Variants in PCLO observed in about 807,000 individuals in gnomAD.
The protein encoded by PCLO is protein piccolo.
In PCLO, 82 loss-of-function variants were observed where a neutral mutation model predicts 427.5. That is an observed-to-expected ratio of 0.19 (90% CI 0.16 to 0.23). The LOEUF is 0.23. Among genes scored for constraint, PCLO ranks in the 10% least tolerant of loss-of-function variants. PCLO has a pLI of 1.00. For synonymous variants in PCLO, 2,357 were observed against 2,155.4 expected (o/e 1.09, Z -2.59); for missense variants, 6,239 against 6,115.9 (o/e 1.02, Z -0.67).
chr7:82,868,941 T>C (rs1169969635), intron 10 of PCLO, among the ~76,000 whole-genome samples: 1 of 152,158 alleles, frequency 6.6e-6, no homozygotes, highest in Non-Finnish European at 1.5e-5. Context: ...TTTAGGTTCA[T>C]TGGATATATG....
rs942983300 is a variant in PCLO at position 82,754,088 on chromosome 7, C to T, written c.*4487G>A. 4.6e-5 allele frequency: 7 copies of T among 152,120 alleles called. No individual in the cohort carries two copies. Among genetic ancestry groups the T allele is most frequent in the Admixed American group, 2.6e-4 (4 of 15,256 alleles). 9.4% of individuals were successfully genotyped at this position (152,120 alleles called of 1,614,324 possible). A position where few individuals can be genotyped will look rare whatever the true frequency, so the allele number is the denominator to read the frequency against. On this transcript the variant is annotated 3_prime_UTR_variant, in exon 25 of 25. Transcript: ENST00000333891. Reference sequence around the variant, plus strand: ...ACAGTTTACATAAGTTATCAAGATACATCTTGTATACAATCACAAAACCAA... The same window carrying T: ...ACAGTTTACATAAGTTATCAAGATATATCTTGTATACAATCACAAAACCAA...
chr7:82,787,058 T>A (rs993958253), intron 22 of PCLO, among the ~76,000 whole-genome samples: 4 of 152,146 alleles, frequency 2.6e-5, no homozygotes, highest in Admixed American at 1.3e-4. Flanking sequence ...CGTGTGCATG[T>A]GTCTTTATAG....
chr7:82,975,830 G>A (rs1796004323), intron 3 of PCLO, among the ~76,000 whole-genome samples: 1 of 152,056 alleles, frequency 6.6e-6, no homozygotes, highest in Non-Finnish European at 1.5e-5. Context: ...AGACCTGATG[G>A]TTTAAAAGTG....
chr7:82,970,320 G>A (rs149205309), intron 3 of PCLO, among the ~76,000 whole-genome samples: 2 of 151,966 alleles, frequency 1.3e-5, no homozygotes, highest in Non-Finnish European at 1.5e-5. Flanking sequence ...GTAATCCAGT[G>A]AAGGTTTCTG....
At chr7:83,099,391 GTT>G (rs11363474) in intron 3 of PCLO, among the ~76,000 whole-genome samples, 16 of 143,824 alleles carry the variant, frequency 1.1e-4, no homozygotes, top group Middle Eastern at 3.6e-3. Flanking sequence ...AGATTTTTTT[GTT>G]TTTTTTTTTT....
chr7:83,142,430 C>T (rs1791884317), intron 2 of PCLO, among the ~76,000 whole-genome samples: 1 of 152,134 alleles, frequency 6.6e-6, no homozygotes, highest in East Asian at 1.9e-4. Flanking sequence ...GTAAGAGATT[C>T]CCAGTCAACT....
intron 16 of PCLO, among the ~76,000 whole-genome samples, chr7:82,834,957 T>G (rs572694773): frequency 1.6e-5 from 1 of 61,088 alleles, no homozygotes; most frequent in African/African-American, 4.1e-5. Flanking sequence ...TTTTTTTTTG[T>G]TTGTTTGTTT....
At chr7:83,030,078 A>T (rs193984) in intron 3 of PCLO, among the ~76,000 whole-genome samples, 1 of 146,254 alleles carries the variant, frequency 6.8e-6, no homozygotes, top group African/African-American at 2.5e-5. Context: ...AATCCGCACA[A>T]TGTGCACATG....
chr7:82,829,948 A>C (rs539532886), intron 16 of PCLO, among the ~76,000 whole-genome samples: 39 of 152,066 alleles, frequency 2.6e-4, no homozygotes, highest in Non-Finnish European at 5.0e-4. Flanking sequence ...TCTTGAAAAA[A>C]GTTTTGATCA....
intron 3 of PCLO, among the ~76,000 whole-genome samples, chr7:82,968,697 T>G (rs966947678): frequency 6.6e-6 from 1 of 152,008 alleles, no homozygotes; most frequent in African/African-American, 2.4e-5. Flanking sequence ...TTTTTGCATT[T>G]TTAGTAGAGA....
At chr7:82,974,164 A>C (rs1470399733) in intron 3 of PCLO, among the ~76,000 whole-genome samples, 2 of 152,092 alleles carry the variant, frequency 1.3e-5, no homozygotes, top group Non-Finnish European at 2.9e-5. Context: ...AGGTGGGTAG[A>C]TCTCTTGAGG....
At chr7:83,158,899 T>C (rs1252002738) in intron 1 of PCLO, among the ~76,000 whole-genome samples, 1 of 151,968 alleles carries the variant, frequency 6.6e-6, no homozygotes, top group Admixed American at 6.6e-5. Context: ...GAGAAAAAAC[T>C]GCCAATACCA....
In PCLO at chr7:83,155,431, G is replaced by T. The variant is rs1319783283; in HGVS notation, c.1210C>A (p.Gln404Lys). The T allele has an allele frequency of 6.2e-7, 1 of 1,613,964 alleles. No homozygotes were observed. The highest frequency in any genetic ancestry group is 8.5e-7 in the Non-Finnish European group (1 of 1,179,884). Residue 404 changes from glutamine to lysine, a missense_variant, in exon 2 of 25, where the codon CAG (glutamine) becomes AAG (lysine). Physicochemically the swap from Gln to Lys is moderately conservative, Grantham distance 53 (BLOSUM62 1). Coordinates refer to ENST00000333891, the MANE Select transcript of PCLO (RefSeq NM_033026.6). Reference protein sequence around the residue: ...PPGVGKTPAQQPGPAKPPTQQ... With the variant: ...PPGVGKTPAQKPGPAKPPTQQ... ...GTTGGAGGCTTTGCTGGCCCTGGCT[G>T]TTGAGCTGGAGTCTTTCCAACTCCA...
chr7:83,068,628 T>C (rs534448814), intron 3 of PCLO, among the ~76,000 whole-genome samples: 2 of 152,236 alleles, frequency 1.3e-5, no homozygotes, highest in South Asian at 4.1e-4. Flanking sequence ...AGACAAGACA[T>C]ATGTTTTGGT....
chr7:83,010,214 T>G (rs1788045340), intron 3 of PCLO, among the ~76,000 whole-genome samples: 1 of 152,006 alleles, frequency 6.6e-6, no homozygotes, highest in African/African-American at 2.4e-5. Flanking sequence ...CAGCACATCC[T>G]TCTCAATGTC....
At chr7:83,058,576 C>G (rs987541032) in intron 3 of PCLO, among the ~76,000 whole-genome samples, 1 of 152,024 alleles carries the variant, frequency 6.6e-6, no homozygotes. Flanking sequence ...ATAATAATTG[C>G]TAATATTTAT....
At chr7:83,131,962 T>C (rs1791585719) in intron 3 of PCLO, among the ~76,000 whole-genome samples, 1 of 152,192 alleles carries the variant, frequency 6.6e-6, no homozygotes. Context: ...TATATATGTA[T>C]ATGTGTACAA....
intron 3 of PCLO, among the ~76,000 whole-genome samples, chr7:83,011,392 A>C (rs1788073194): frequency 6.6e-6 from 1 of 152,060 alleles, no homozygotes; most frequent in Non-Finnish European, 1.5e-5. Flanking sequence ...GATTAATCTG[A>C]TACTTGTTGC....
rs1794473875 is a variant in PCLO, at chr7:82,916,663, T to C, written c.11323A>G (p.Arg3775Gly). 1.2e-6 allele frequency: 2 copies of C among 1,613,570 alleles called. No homozygotes were observed. Among genetic ancestry groups the C allele is most frequent in the Admixed American group, 1.7e-5 (1 of 59,922 alleles). Residue 3775 changes from arginine to glycine, a missense_variant, in exon 7 of 25, where the codon AGG becomes GGG. This residue lies in a region of PCLO where 4,677 missense variants were observed against 4,468.4 expected (regional missense o/e 1.05). Transcript: ENST00000333891. Reference protein sequence around the residue: ...DIDRELDLVERESAKLRKKQA... With the variant: ...DIDRELDLVEGESAKLRKKQA... Reference sequence around the variant, plus strand: ...TTCTTTCGAAGTTTTGCAGACTCCCTTTCCACAAGATCAAGCTCTCTGTCT... The same window carrying C: ...TTCTTTCGAAGTTTTGCAGACTCCCCTTCCACAAGATCAAGCTCTCTGTCT...
Sources: gnomAD v4.1 joint callset for allele counts (sites outside exome capture counted in the v4.1 genomes callset) on GRCh38, gnomAD v4.1.1 for gene constraint, gnomAD v4.1.1 regional missense constraint, MANE v1.5 for transcripts, NCBI Gene and HGNC (gene_info 2026-07-23, HGNC 2026-07-21) for gene names.